SCML4: variants seen among roughly 807,000 people sequenced by gnomAD.
The protein encoded by SCML4 is sex comb on midleg-like protein 4.
SCML4 carries 34 observed loss-of-function variants against 41.1 expected under a neutral mutation model. That is an observed-to-expected ratio of 0.83 (90% CI 0.63 to 1.10). SCML4 has a LOEUF of 1.10. SCML4 is among the 50% of genes least tolerant of loss of function. The pLI, the probability that SCML4 is intolerant of heterozygous loss-of-function variation, is 0.00. For synonymous variants in SCML4, 214 were observed against 220.9 expected, an observed-to-expected ratio of 0.97 and a Z score of 0.28; for missense variants, 522 against 534.1, an observed-to-expected ratio of 0.98 and a Z score of 0.22.
chr6:107,786,172 C>T (rs1781880925), intron 1 of SCML4, among the ~76,000 whole-genome samples: 1 of 152,220 alleles, frequency 6.6e-6, no homozygotes, highest in South Asian at 2.1e-4. Flanking sequence ...ACAATGAGAA[C>T]TCAAGTGAGT....
At chr6:107,797,096 G>A (rs1782768658) in intron 1 of SCML4, among the ~76,000 whole-genome samples, 1 of 152,070 alleles carries the variant, frequency 6.6e-6, no homozygotes, top group South Asian at 2.1e-4. Flanking sequence ...TTGAAATCAT[G>A]TAGTATAAAT....
chr6:107,824,449 G>A (rs1785163358), upstream of SCML4: 1 of 148,140 alleles, frequency 6.8e-6, no homozygotes, highest in Non-Finnish European at 1.5e-5. Context: ...TTTACATGCA[G>A]AAAACGAGGC....
chr6:107,777,368 G>A (rs567809820), intron 1 of SCML4, among the ~76,000 whole-genome samples: 10 of 152,070 alleles, frequency 6.6e-5, no homozygotes, highest in Non-Finnish European at 1.2e-4. Context: ...TGCCCACCTC[G>A]GCCTCCCAAA....
chr6:107,773,904 C>CA (rs766792200), intron 1 of SCML4, among the ~76,000 whole-genome samples: 3 of 152,182 alleles, frequency 2.0e-5, no homozygotes, highest in Non-Finnish European at 4.4e-5. Flanking sequence ...GCCTTGTCTA[C>CA]AAGGACAAGA....
At chr6:107,838,842 C>T in the SCML4 span, among the ~76,000 whole-genome samples, 1 of 152,060 alleles carries the variant, frequency 6.6e-6, no homozygotes, top group South Asian at 2.1e-4. Context: ...AGATTGATTT[C>T]ACTAAAAATT....
rs1391682904 is a variant in SCML4 at position 107,749,712 on chromosome 6, G to A, written c.258C>T (p.Pro86=). 1 of 1,613,932 alleles carries A rather than the reference G, an allele frequency of 6.2e-7. No homozygotes were observed. Among genetic ancestry groups the A allele is most frequent in the East Asian group, 2.2e-5 (1 of 44,888 alleles). ...TGAGAGCCTGTGGGGCCGCCAAGCT[G>A]GGGACCGTGGCTGCGTCCTGAGGGA... The part of the protein sequence containing the change: ...SSIPQDAATV[P]SLAAPQALTV... The change falls in exon 3 of 8, where the codon CCC becomes CCT. Residue 86 remains proline (P), a synonymous_variant. Coordinates refer to ENST00000369020, the MANE Select transcript of SCML4 (RefSeq NM_198081.5).
Position 107,798,642 on chromosome 6 carries a change from T to C in SCML4, c.-60+25484A>G, listed in dbSNP as rs539154438. 3.6e-4 allele frequency among the ~76,000 whole-genome samples: 55 copies of C among 152,180 alleles called. No individual in the cohort carries two copies. The South Asian group carries it at 8.5e-3, about 24-fold the overall frequency. ...TGCTTCCTTTTTTTTACTTTGGACT[T>C]AATTTACTCCTCTTTCTCTAGCTTC... On this transcript the variant is annotated intron_variant, in intron 1 of 7. Transcript: ENST00000369020.
Position 107,781,628 on chromosome 6 carries a change from C to T in SCML4, c.-59-9242G>A, listed in dbSNP as rs144265663. ...GCTGCTGCTGTAAGCCGTTATTGTG[C>T]CACTGCACTCCAGCCTGGGCAACAG... On this transcript the variant is annotated intron_variant, in intron 1 of 7. Transcript: ENST00000369020. 5.3e-5 allele frequency among the ~76,000 whole-genome samples: 8 copies of T among 151,300 alleles called. No homozygotes were observed. The East Asian group carries it at 1.4e-3, about 26-fold the overall frequency.
intron 6 of SCML4, among the ~76,000 whole-genome samples, chr6:107,715,784 C>T (rs1221738616): frequency 1.3e-5 from 2 of 152,162 alleles, no homozygotes; most frequent in Non-Finnish European, 2.9e-5. Flanking sequence ...TCATCAATAC[C>T]CACCCTTCTG....
intron 1 of SCML4, among the ~76,000 whole-genome samples, chr6:107,820,806 G>C (rs985303987): frequency 1.1e-4 from 17 of 152,172 alleles, no homozygotes; most frequent in African/African-American, 4.1e-4. Context: ...CTGGAGCACT[G>C]CGCTCTTGCA....
chr6:107,789,302 C>T (rs1472116774), intron 1 of SCML4, among the ~76,000 whole-genome samples: 3 of 152,122 alleles, frequency 2.0e-5, no homozygotes, highest in Non-Finnish European at 4.4e-5. Context: ...TGAAGATGAA[C>T]CCAGAAAGAT....
intron 6 of SCML4, among the ~76,000 whole-genome samples, chr6:107,713,029 G>A (rs141842867): frequency 9.2e-5 from 14 of 152,230 alleles, no homozygotes; most frequent in Non-Finnish European, 1.9e-4. Flanking sequence ...GTGAAACCTA[G>A]TTATGAATGG....
chr6:107,786,462 C>T (rs1781903001), intron 1 of SCML4, among the ~76,000 whole-genome samples: 1 of 149,164 alleles, frequency 6.7e-6, no homozygotes, highest in Admixed American at 6.6e-5. Context: ...CAGAATCTTT[C>T]TATTCTACAT....
At chr6:107,795,459 T>C (rs1465662150) in intron 1 of SCML4, among the ~76,000 whole-genome samples, 1 of 152,230 alleles carries the variant, frequency 6.6e-6, no homozygotes, top group Non-Finnish European at 1.5e-5. Context: ...TTTTGAGTTT[T>C]GACAAATGTA....
At chr6:107,769,351 T>C (rs2114563934) in intron 2 of SCML4, among the ~76,000 whole-genome samples, 1 of 152,352 alleles carries the variant, frequency 6.6e-6, no homozygotes. Context: ...AACCCTCCCT[T>C]ATCTGCCTGC....
At chr6:107,728,865 G>T (rs979282391) in intron 5 of SCML4, among the ~76,000 whole-genome samples, 1 of 152,152 alleles carries the variant, frequency 6.6e-6, no homozygotes, top group Non-Finnish European at 1.5e-5. Context: ...CTGGGTGGCC[G>T]CGAGTGAACA....
At chr6:107,724,865 A>G (rs1297149034) in intron 5 of SCML4, among the ~76,000 whole-genome samples, 1 of 152,242 alleles carries the variant, frequency 6.6e-6, no homozygotes, top group Non-Finnish European at 1.5e-5. Context: ...ACACTTCCTG[A>G]TTCCAAATTT....
chr6:107,833,102 C>T, the SCML4 span, among the ~76,000 whole-genome samples: 53 of 152,284 alleles, frequency 3.5e-4, no homozygotes, highest in African/African-American at 1.2e-3. Context: ...AGAAAGCTGG[C>T]TATCTGACAA....
intron 5 of SCML4, among the ~76,000 whole-genome samples, chr6:107,726,034 G>A (rs540004414): frequency 2.1e-5 from 3 of 144,364 alleles, no homozygotes; most frequent in South Asian, 2.2e-4. Context: ...CCGAGATGGC[G>A]CCACTGCACT....
Sources: allele counts gnomAD v4.1 joint callset (sites outside exome capture counted in the v4.1 genomes callset), GRCh38; gene constraint gnomAD v4.1.1; transcripts MANE v1.5; gene names NCBI Gene and HGNC (gene_info 2026-07-23, HGNC 2026-07-21).